Variants in GPM6A observed in about 807,000 individuals in gnomAD.
GPM6A encodes glycoprotein M6A.
In GPM6A, 7 loss-of-function variants were observed where a neutral mutation model predicts 32.1. That is an observed-to-expected ratio of 0.22 (90% CI 0.12 to 0.41). The LOEUF (loss-of-function observed/expected upper bound fraction) is 0.41. GPM6A is among the 10% of genes least tolerant of loss of function. GPM6A has a pLI of 1.00. For missense variants in GPM6A, 235 were observed against 347.2 expected (o/e 0.68, Z 2.57); for synonymous variants, 130 against 123.4 (o/e 1.05, Z -0.35).
At chr4:175,813,203 G>A (rs1734996978), upstream of GPM6A, 2 of 382,672 alleles carry the variant, frequency 5.2e-6, no homozygotes, top group Non-Finnish European at 7.2e-6. Flanking sequence ...TTCTTTAAAG[G>A]TCAGTGTTAG....
At chr4:175,853,403 A>C (rs1362035164) in intron 1 of GPM6A, among the ~76,000 whole-genome samples, 2 of 151,956 alleles carry the variant, frequency 1.3e-5, no homozygotes, top group African/African-American at 4.8e-5. Flanking sequence ...CTTAACTAAA[A>C]TCTTGGCTAA....
chr4:175,658,118 G>A (rs542798615), intron 3 of GPM6A, among the ~76,000 whole-genome samples: 5 of 152,072 alleles, frequency 3.3e-5, no homozygotes, highest in Non-Finnish European at 4.4e-5. Flanking sequence ...GATTTGTTAC[G>A]CTTATAACAA....
intron 2 of GPM6A, among the ~76,000 whole-genome samples, chr4:175,683,117 G>A (rs1027813543): frequency 3.9e-5 from 6 of 152,206 alleles, no homozygotes; most frequent in African/African-American, 1.4e-4. Context: ...AGATGCTGAA[G>A]GCCTTGAGGG....
intron 1 of GPM6A, among the ~76,000 whole-genome samples, chr4:175,797,393 T>C (rs1734275116): frequency 6.6e-6 from 1 of 152,186 alleles, no homozygotes; most frequent in African/African-American, 2.4e-5. Flanking sequence ...GCTGTTGAGA[T>C]TGACAATAGT....
intron 1 of GPM6A, among the ~76,000 whole-genome samples, chr4:175,818,094 G>A (rs1735164023): frequency 6.6e-6 from 1 of 152,052 alleles, no homozygotes; most frequent in Non-Finnish European, 1.5e-5. Context: ...GTATGTCATA[G>A]GCCTGTTTAC....
intron 1 of GPM6A, among the ~76,000 whole-genome samples, chr4:175,797,059 T>G (rs1734261908): frequency 6.6e-6 from 1 of 152,198 alleles, no homozygotes; most frequent in Non-Finnish European, 1.5e-5. Context: ...CTGGCAAATT[T>G]AATATCATAT....
At chr4:175,701,998 G>A (rs1381986749) in intron 1 of GPM6A, among the ~76,000 whole-genome samples, 2 of 152,070 alleles carry the variant, frequency 1.3e-5, no homozygotes, top group South Asian at 2.1e-4. Flanking sequence ...CTCATCTACC[G>A]CAAAACCTAG....
intron 6 of GPM6A, among the ~76,000 whole-genome samples, chr4:175,638,350 A>G (rs1740936420): frequency 6.6e-6 from 1 of 152,046 alleles, no homozygotes; most frequent in Admixed American, 6.6e-5. Flanking sequence ...AATTGGAAAT[A>G]CTTAGGTCAA....
chr4:175,855,048 TA>T (rs1579569975), intron 1 of GPM6A, among the ~76,000 whole-genome samples: 2 of 152,026 alleles, frequency 1.3e-5, no homozygotes, highest in African/African-American at 4.8e-5. Context: ...CCAACAAACT[TA>T]AAAGGAATCT....
At chr4:175,637,137 A>G in intron 6 of GPM6A, among the ~76,000 whole-genome samples, 2 of 94,478 alleles carry the variant, frequency 2.1e-5, no homozygotes, top group Admixed American at 3.4e-4. Context: ...ATAATATATT[A>G]TATATGATAT....
intron 1 of GPM6A, among the ~76,000 whole-genome samples, chr4:175,811,349 A>G (rs1734910185): frequency 6.6e-6 from 1 of 152,262 alleles, no homozygotes; most frequent in East Asian, 1.9e-4. Context: ...CTGACATTAC[A>G]TAAGCCCGAC....
intron 1 of GPM6A, among the ~76,000 whole-genome samples, chr4:175,952,014 A>T (rs1327628910): frequency 6.6e-6 from 1 of 152,240 alleles, no homozygotes; most frequent in Non-Finnish European, 1.5e-5. Flanking sequence ...CAGCCTCCAT[A>T]ATCATGTGAG....
At chr4:175,866,070 T>A (rs1186643832) in intron 1 of GPM6A, among the ~76,000 whole-genome samples, 6 of 152,238 alleles carry the variant, frequency 3.9e-5, no homozygotes, top group African/African-American at 1.4e-4. Context: ...GAATTTAAAA[T>A]GTTATCCAAG....
At chr4:175,704,534 AT>A (rs1485322622) in intron 1 of GPM6A, among the ~76,000 whole-genome samples, 12 of 152,256 alleles carry the variant, frequency 7.9e-5, no homozygotes, top group Middle Eastern at 3.4e-3. Context: ...TCTTTCAACT[AT>A]TCTGTCTCTT....
At chr4:175,846,701 T>A (rs1468754218) in intron 1 of GPM6A, among the ~76,000 whole-genome samples, 1 of 152,188 alleles carries the variant, frequency 6.6e-6, no homozygotes, top group Non-Finnish European at 1.5e-5. Context: ...TTTCACTGAT[T>A]CTGCCAATTT....
At chr4:175,950,550 T>G (rs764163043) in intron 1 of GPM6A, among the ~76,000 whole-genome samples, 1 of 152,166 alleles carries the variant, frequency 6.6e-6, no homozygotes, top group Non-Finnish European at 1.5e-5. Context: ...TATTGAAACG[T>G]GCTTCAAAAG....
intron 1 of GPM6A, among the ~76,000 whole-genome samples, chr4:175,988,145 A>G (rs1452015581): frequency 6.6e-6 from 1 of 152,214 alleles, no homozygotes; most frequent in Admixed American, 6.5e-5. Flanking sequence ...ATCCTGAGTC[A>G]TTGTTGAAAA....
At chr4:175,905,733 T>G (rs1315205146) in intron 1 of GPM6A, among the ~76,000 whole-genome samples, 1 of 152,132 alleles carries the variant, frequency 6.6e-6, no homozygotes, top group African/African-American at 2.4e-5. Context: ...TATTTTCTAA[T>G]ATTAAGGAAT....
chr4:175,642,057 C>T (rs927154571), intron 4 of GPM6A: 6 of 152,150 alleles, frequency 3.9e-5, no homozygotes, highest in African/African-American at 1.4e-4. Context: ...CATCAACTCT[C>T]CCTCTCTTAC....
Sources: gnomAD v4.1 joint callset for allele counts (sites outside exome capture counted in the v4.1 genomes callset) on GRCh38, gnomAD v4.1.1 for gene constraint, MANE v1.5 for transcripts, NCBI Gene and HGNC (gene_info 2026-07-23, HGNC 2026-07-21) for gene names.